PAX5: variants seen among roughly 807,000 people sequenced by gnomAD.
The protein encoded by PAX5 is paired box 5.
Under a neutral mutation model 43.7 loss-of-function variants are expected in PAX5, and 9 were observed. The observed-to-expected ratio is 0.21, with a 90% CI of 0.12 to 0.36. The LOEUF (loss-of-function observed/expected upper bound fraction) is 0.36. Among genes scored for constraint, PAX5 ranks in the 10% least tolerant of loss-of-function variants. PAX5 has a pLI of 1.00. For synonymous variants in PAX5, 228 were observed against 214.3 expected, an observed-to-expected ratio of 1.06 and a Z score of -0.56; for missense variants, 383 against 532.7, an observed-to-expected ratio of 0.72 and a Z score of 2.77.
intron 3 of PAX5, 25 bp from the exon 4 acceptor site, chr9:37,006,562 T>A: frequency 1.2e-6 from 2 of 1,603,440 alleles, no homozygotes; most frequent in Non-Finnish European, 1.7e-6. Context: ...AAAACAAAAT[T>A]GCTATTTACC....
At chr9:36,864,951 G>T (rs77990494) in intron 8 of PAX5, among the ~76,000 whole-genome samples, 1 of 152,258 alleles carries the variant, frequency 6.6e-6, no homozygotes, top group Non-Finnish European at 1.5e-5. Flanking sequence ...CGGGCTGGCA[G>T]GCGGGCTGGG....
At chr9:36,881,546 A>G (rs1013049391) in intron 8 of PAX5, among the ~76,000 whole-genome samples, 1 of 151,652 alleles carries the variant, frequency 6.6e-6, no homozygotes, top group Non-Finnish European at 1.5e-5. Context: ...ACCATCCAAC[A>G]TCCCGTCTGT....
At chr9:37,012,849 A>G (rs1202680476) in intron 3 of PAX5, among the ~76,000 whole-genome samples, 1 of 152,244 alleles carries the variant, frequency 6.6e-6, no homozygotes, top group Non-Finnish European at 1.5e-5. Context: ...AACAATGTGC[A>G]CCCTTGCATC....
chr9:36,889,339 A>G (rs1302797198), intron 7 of PAX5, among the ~76,000 whole-genome samples: 1 of 152,270 alleles, frequency 6.6e-6, no homozygotes, highest in Non-Finnish European at 1.5e-5. Context: ...GCTGATAATA[A>G]TAACAATAAC....
intron 8 of PAX5, among the ~76,000 whole-genome samples, chr9:36,847,178 A>G (rs1822673616): frequency 6.6e-6 from 1 of 151,974 alleles, no homozygotes; most frequent in Admixed American, 6.6e-5. Context: ...GTACCATGGA[A>G]CTCCCATGTC....
At position 36,950,336 on chromosome 9, in the gene PAX5, G is replaced by C. The variant is rs150997117; in HGVS notation, c.780+16213C>G. Among the ~76,000 whole-genome samples, 3 of 152,264 alleles carry C rather than the reference G, an allele frequency of 2.0e-5. No homozygotes were observed. The East Asian group carries it at 5.8e-4, about 29-fold the overall frequency. On this transcript the variant is annotated intron_variant, in intron 6 of 9. Coordinates refer to ENST00000358127, the MANE Select transcript of PAX5 (RefSeq NM_016734.3). Reference sequence around the variant, plus strand: ...CATTTGGTTTCATAGCCAAGACATTGGGAAAGAATCAACAAATTCATCTTT... The same window carrying C: ...CATTTGGTTTCATAGCCAAGACATTCGGAAAGAATCAACAAATTCATCTTT...
At chr9:36,897,761 A>G (rs1261678597) in intron 7 of PAX5, among the ~76,000 whole-genome samples, 3 of 152,218 alleles carry the variant, frequency 2.0e-5, no homozygotes, top group Admixed American at 2.0e-4. Context: ...ACTGATGCTC[A>G]ATTTTCTTCC....
chr9:36,928,178 T>C (rs1830810938), intron 6 of PAX5, among the ~76,000 whole-genome samples: 1 of 152,236 alleles, frequency 6.6e-6, no homozygotes, highest in South Asian at 2.1e-4. Context: ...TTTGTCCTTT[T>C]GAGGTGTCCG....
rs1385943435 is a variant in PAX5, at chr9:37,002,662, C to G, written c.590G>C (p.Arg197Pro). Residue 197 changes from arginine to proline, a missense_variant, in exon 5 of 10, where the codon CGC becomes CCC. Arg to Pro is a moderately radical substitution (Grantham distance 103). Transcript: ENST00000358127. ...GCCTCTCTTACCTTCGTCTCTCTTGCGCTTGTTGGTGTCGGCGCTGGGGGA... is the reference window on the plus strand; with the variant it reads ...GCCTCTCTTACCTTCGTCTCTCTTGGGCTTGTTGGTGTCGGCGCTGGGGGA... ...ITSPSADTNK[R>P]KRDEGIQESP... The G allele has an allele frequency of 3.1e-6, 5 of 1,611,974 alleles. No homozygotes were observed. The highest frequency in any genetic ancestry group is 4.2e-6 in the Non-Finnish European group (5 of 1,179,286).
At chr9:36,926,161 C>T (rs1423350692) in intron 6 of PAX5, among the ~76,000 whole-genome samples, 2 of 152,152 alleles carry the variant, frequency 1.3e-5, no homozygotes, top group Non-Finnish European at 2.9e-5. Context: ...CTTCTAGGTG[C>T]CCAAGCCAGG....
chr9:36,976,010 T>C (rs1421648758), intron 5 of PAX5, among the ~76,000 whole-genome samples: 4 of 152,340 alleles, frequency 2.6e-5, no homozygotes, highest in Middle Eastern at 6.8e-3. Flanking sequence ...AATTCAGCAC[T>C]AGGACAGTCG....
chr9:37,031,816 T>C (rs570716634), intron 1 of PAX5, among the ~76,000 whole-genome samples: 20 of 152,208 alleles, frequency 1.3e-4, no homozygotes, highest in Non-Finnish European at 2.6e-4. Context: ...TCCCTCCCCA[T>C]TGGGCAGATA....
intron 8 of PAX5, among the ~76,000 whole-genome samples, chr9:36,876,989 G>A (rs191673265): frequency 8.5e-5 from 13 of 152,320 alleles, no homozygotes; most frequent in East Asian, 1.9e-4. Context: ...CAAGGCAAGC[G>A]TGCCTTCCTC....
chr9:36,962,196 C>G (rs765148173), intron 6 of PAX5, among the ~76,000 whole-genome samples: 2 of 141,148 alleles, frequency 1.4e-5, no homozygotes, highest in African/African-American at 2.6e-5. Flanking sequence ...TGTGGCCTCT[C>G]CAAACCTATG....
chr9:36,984,670 G>C (rs1433097771), intron 5 of PAX5, among the ~76,000 whole-genome samples: 1 of 151,966 alleles, frequency 6.6e-6, no homozygotes, highest in Non-Finnish European at 1.5e-5. Context: ...TGGCCAGGCT[G>C]TTCTCGAACT....
rs543418860 is a variant in PAX5, at chr9:36,981,229, A to G, written c.605-14505T>C. ...TGCTTCATTCCCTGTCTCCTCACCT[A>G]GCTTTGTTTTCCTCCAGAGCATAGA... On this transcript the variant is annotated intron_variant, in intron 5 of 9. Transcript: ENST00000358127. 1.6e-3 allele frequency among the ~76,000 whole-genome samples: 206 copies of G among 132,852 alleles called. 1 individual carries two copies. Among genetic ancestry groups the G allele is most frequent in the Non-Finnish European group, 2.8e-3 (182 of 64,122 alleles). 87.2% of individuals were successfully genotyped at this position (132,852 alleles called of 152,430 possible). A position where few individuals can be genotyped will look rare whatever the true frequency, so the allele number is the denominator to read the frequency against.
intron 6 of PAX5, among the ~76,000 whole-genome samples, chr9:36,945,265 C>G (rs965916299): frequency 6.0e-5 from 9 of 151,240 alleles, no homozygotes; most frequent in African/African-American, 2.2e-4. Flanking sequence ...GAAACAGGGT[C>G]TCACACTCTC....
chr9:37,018,663 C>T (rs1208662907), intron 2 of PAX5, among the ~76,000 whole-genome samples: 1 of 150,626 alleles, frequency 6.6e-6, no homozygotes, highest in Non-Finnish European at 1.5e-5. Context: ...TCTTAAAAGG[C>T]AGTTCTAATT....
intron 7 of PAX5, among the ~76,000 whole-genome samples, chr9:36,918,433 T>A (rs891316688): frequency 2.0e-5 from 3 of 151,778 alleles, no homozygotes; most frequent in African/African-American, 7.3e-5. Flanking sequence ...GAGGCAGAGG[T>A]GGGAGGATTG....
Sources: gnomAD v4.1 joint callset for allele counts (sites outside exome capture counted in the v4.1 genomes callset) on GRCh38, gnomAD v4.1.1 for gene constraint, MANE v1.5 for transcripts, NCBI Gene and HGNC (gene_info 2026-07-23, HGNC 2026-07-21) for gene names.